The following CHD2 variants were observed in gnomAD, a reference collection of about 807,000 sequenced individuals.
CHD2 encodes chromodomain helicase DNA binding protein 2.
In CHD2, 28 loss-of-function variants were observed where a neutral mutation model predicts 243.9. The observed-to-expected ratio is 0.11, with a 90% CI of 0.09 to 0.16. The LOEUF is 0.16. Among genes scored for constraint, CHD2 ranks in the 10% least tolerant of loss-of-function variants. The pLI, the probability that CHD2 is intolerant of heterozygous loss-of-function variation, is 1.00. For synonymous variants in CHD2, 775 were observed against 779.0 expected, an observed-to-expected ratio of 0.99 and a Z score of 0.09; for missense variants, 1,386 against 2,209.8, an observed-to-expected ratio of 0.63 and a Z score of 7.47.
chr15:93,008,920 G>A (rs1029567121), intron 34 of CHD2, among the ~76,000 whole-genome samples: 3 of 152,162 alleles, frequency 2.0e-5, no homozygotes, highest in Non-Finnish European at 2.9e-5. Context: ...TAAGTAAGGC[G>A]TGAAGGGTTA....
At chr15:92,949,942 A>G (rs1179085505) in intron 13 of CHD2, among the ~76,000 whole-genome samples, 3 of 152,206 alleles carry the variant, frequency 2.0e-5, no homozygotes, top group African/African-American at 7.2e-5. Context: ...CTGGAGCTGG[A>G]CCGCACAATC....
Position 92,998,067 on chromosome 15 carries a change from C to T in CHD2, c.3886-432C>T, listed in dbSNP as rs1002647797. On this transcript the variant is annotated intron_variant, in intron 30 of 38. Coordinates refer to ENST00000394196, the MANE Select transcript of CHD2 (RefSeq NM_001271.4). This position sits in a 1 kb window ranked among gnomAD's most constrained non-coding sequence, Gnocchi z 5.1. ...GAGACCCAGTTGTTGTAGCAAGGAA[C>T]AGATCATGTCCTGGCGTAGCTCAGT... is the stretch of plus-strand genomic sequence containing the variant. 5.6e-5 allele frequency: 26 copies of T among 466,720 alleles called. No homozygotes were observed. The highest frequency in any genetic ancestry group is 7.1e-5 in the Non-Finnish European group (25 of 353,048). The allele number at this position is 466,720 out of a possible 1,614,324, so 28.9% of individuals were successfully genotyped here. A position where few individuals can be genotyped will look rare whatever the true frequency, so the allele number is the denominator to read the frequency against.
At chr15:92,914,804 A>C (rs1315668594) in intron 2 of CHD2, among the ~76,000 whole-genome samples, 1 of 152,234 alleles carries the variant, frequency 6.6e-6, no homozygotes, top group Non-Finnish European at 1.5e-5. Context: ...TCTATAAAAA[A>C]ATAGGTGCCC....
At chr15:92,979,408 C>A in intron 22 of CHD2, 125 bp downstream of exon 22, 1 of 1,156,114 alleles carries the variant, frequency 8.6e-7, no homozygotes, top group South Asian at 1.6e-5. Context: ...AGGCCAGAAC[C>A]ACAAATAGGA....
At chr15:92,918,814 T>TAC (rs1567124128) in intron 2 of CHD2, among the ~76,000 whole-genome samples, 4 of 151,430 alleles carry the variant, frequency 2.6e-5, no homozygotes, top group Non-Finnish European at 5.9e-5. Flanking sequence ...CACACATATA[T>TAC]ACACATATAC....
intron 37 of CHD2, among the ~76,000 whole-genome samples, chr15:93,016,177 A>G (rs1020612057): frequency 6.6e-6 from 1 of 152,262 alleles, no homozygotes; most frequent in African/African-American, 2.4e-5. Context: ...TCAGCTTTAA[A>G]AAGAAGGAAA....
chr15:92,920,764 A>G (rs1027879922), intron 2 of CHD2, among the ~76,000 whole-genome samples: 5 of 152,214 alleles, frequency 3.3e-5, no homozygotes, highest in African/African-American at 1.2e-4. Flanking sequence ...TAGTAGTTGA[A>G]AAACTAAATA....
At chr15:93,017,474 C>A (rs963791179) in intron 37 of CHD2, among the ~76,000 whole-genome samples, 1 of 150,720 alleles carries the variant, frequency 6.6e-6, no homozygotes, top group Non-Finnish European at 1.5e-5. Context: ...TACAGGCACA[C>A]ACCACCATGC....
chr15:92,968,565 A>C (rs1250733047), intron 17 of CHD2, among the ~76,000 whole-genome samples: 1 of 152,226 alleles, frequency 6.6e-6, no homozygotes, highest in Non-Finnish European at 1.5e-5. Context: ...TAGAGAGTAC[A>C]AAAGGGTGAT....
chr15:92,950,994 G>A (rs1454270057), intron 13 of CHD2, among the ~76,000 whole-genome samples: 1 of 152,082 alleles, frequency 6.6e-6, no homozygotes, highest in South Asian at 2.1e-4. Context: ...TTTCCTTTTA[G>A]AGGTTAGTGG....
intron 16 of CHD2, among the ~76,000 whole-genome samples, chr15:92,966,150 A>G (rs970068651): frequency 6.9e-6 from 1 of 145,880 alleles, no homozygotes; most frequent in African/African-American, 2.6e-5. Flanking sequence ...TGCAACCTTC[A>G]TCTCCTGGGT....
chr15:92,986,396 C>CAG (rs1395298581), intron 26 of CHD2, among the ~76,000 whole-genome samples: 4 of 151,842 alleles, frequency 2.6e-5, no homozygotes, highest in Non-Finnish European at 4.4e-5. Flanking sequence ...CTTTAAGTTT[C>CAG]ATGTATTTGA....
At chr15:92,905,234 TCG>T (rs762912137) in intron 2 of CHD2, among the ~76,000 whole-genome samples, 71 of 152,328 alleles carry the variant, frequency 4.7e-4, no homozygotes, top group Middle Eastern at 3.4e-3. Context: ...GGCCAAATCT[TCG>T]CAATTATCTT....
intron 2 of CHD2, among the ~76,000 whole-genome samples, chr15:92,920,791 A>G (rs2052940382): frequency 6.6e-6 from 1 of 152,200 alleles, no homozygotes; most frequent in Non-Finnish European, 1.5e-5. Flanking sequence ...TTCAAAGGGG[A>G]GGCAAATTGC....
Position 92,971,806 on chromosome 15 carries a change from C to T in CHD2, c.2231C>T (p.Thr744Ile), listed in dbSNP as rs1359060187. 5.0e-6 allele frequency: 8 copies of T among 1,613,616 alleles called. No individual in the cohort carries two copies. Among genetic ancestry groups the T allele is most frequent in the Non-Finnish European group, 4.2e-6 (5 of 1,179,874 alleles). ...TRNYKALAKG[T>I]RGSTSGFLNI... ...AATTACAAGGCTCTTGCCAAAGGAA[C>T]AAGAGGCAGCACATCTGGTTTTCTT... Residue 744 changes from threonine to isoleucine, a missense_variant, in exon 18 of 39, where the codon ACA becomes ATA. Thr to Ile is a moderately conservative substitution (Grantham distance 89, BLOSUM62 -1). Around this residue, in one of 19 missense-constraint regions of CHD2, gnomAD observed 118 missense variants for 266.3 expected, o/e 0.44. Transcript: ENST00000394196.
intron 11 of CHD2, 34 bp downstream of exon 11, chr15:92,945,899 A>C: frequency 1.3e-6 from 2 of 1,523,910 alleles, no homozygotes; most frequent in Non-Finnish European, 9.0e-7. Flanking sequence ...AATGTTCTTC[A>C]ACATTTCAGA....
rs1180070475 is a variant in CHD2, at chr15:92,996,993, A to G, written c.3632A>G (p.Lys1211Arg). 1 of 1,613,180 alleles carries G rather than the reference A, an allele frequency of 6.2e-7. No individual in the cohort carries two copies. The highest frequency in any genetic ancestry group is 8.5e-7 in the Non-Finnish European group (1 of 1,179,754). ...GGGAAAAGGAGAGGTCCAACAATCA[A>G]GATATCCGGAGTTCAGGTTAATGTG... ...GPGKRRGPTI[K>R]ISGVQVNVKS... The change falls in exon 29 of 39, where the codon AAG becomes AGG. Residue 1211 changes from lysine to arginine, a missense_variant. This residue lies in a region of CHD2 where 99 missense variants were observed against 176.9 expected (regional missense o/e 0.56). Transcript: ENST00000394196.
chr15:93,024,351 A>C, intron 38 of CHD2, 21 bp from the exon 39 acceptor site: 1 of 1,601,926 alleles, frequency 6.2e-7, no homozygotes, highest in Non-Finnish European at 8.5e-7. Context: ...CTTTCGACTA[A>C]TCCTTGCATC....
chr15:92,943,039 C>A lies in CHD2; in HGVS notation c.1023C>A (p.Phe341Leu), dbSNP rs1222496397. Residue 341 changes from phenylalanine to leucine, a missense_variant, in exon 9 of 39, where the codon TTC becomes TTA. Transcript: ENST00000394196. The stretch of plus-strand genomic sequence containing the variant: ...AGGGCCTAAAAAAACTAGAGAACTT[C>A]AAGAAAAAAGAGGACGAAATCAAAC... The part of the protein sequence containing the change: ...KVKGLKKLEN[F>L]KKKEDEIKQW... 1 of 1,613,370 alleles carries A rather than the reference C, an allele frequency of 6.2e-7. No homozygotes were observed. Among genetic ancestry groups the A allele is most frequent in the Admixed American group, 1.7e-5 (1 of 59,942 alleles).
Sources: allele counts gnomAD v4.1 joint callset (sites outside exome capture counted in the v4.1 genomes callset), GRCh38; gene constraint gnomAD v4.1.1; regional missense constraint gnomAD v4.1.1; non-coding constraint Gnocchi (gnomAD v3.1); transcripts MANE v1.5; gene names NCBI Gene and HGNC (gene_info 2026-07-23, HGNC 2026-07-21).